NTM: variants seen among roughly 807,000 people sequenced by gnomAD.
NTM encodes IgLON family member 2.
A neutral mutation model predicts 42.1 loss-of-function variants in NTM; 13 were observed. That is an observed-to-expected ratio of 0.31 (90% CI 0.20 to 0.49). NTM has a LOEUF of 0.49. Ranked by LOEUF, NTM falls within the 20% of genes least tolerant of loss-of-function variation. The pLI is 0.99. For missense variants in NTM, 373 were observed against 452.8 expected (o/e 0.82, Z 1.60); for synonymous variants, 187 against 179.2 (o/e 1.04, Z -0.35).
At chr11:132,282,311 G>A (rs1194303754) in intron 4 of NTM, among the ~76,000 whole-genome samples, 2 of 152,170 alleles carry the variant, frequency 1.3e-5, no homozygotes, top group Non-Finnish European at 2.9e-5. Flanking sequence ...AAATTCTCTT[G>A]TCACCAGAGC....
chr11:132,256,301 C>T (rs988991175), intron 4 of NTM, among the ~76,000 whole-genome samples: 1 of 152,224 alleles, frequency 6.6e-6, no homozygotes, highest in African/African-American at 2.4e-5. Context: ...ACAGTCATGA[C>T]CATAGCATCT....
intron 1 of NTM, among the ~76,000 whole-genome samples, chr11:131,802,590 C>T (rs2092213246): frequency 1.3e-5 from 2 of 152,136 alleles, no homozygotes; most frequent in African/African-American, 2.4e-5. Flanking sequence ...GGGGTTAGGG[C>T]CGTGAGGGTG....
chr11:131,505,303 T>C (rs949125031), intron 1 of NTM, among the ~76,000 whole-genome samples: 1 of 152,148 alleles, frequency 6.6e-6, no homozygotes, highest in African/African-American at 2.4e-5. Flanking sequence ...GAATAATTAT[T>C]CTCAGTGTGT....
intron 1 of NTM, chr11:131,795,674 G>A (rs2091473116): frequency 1.0e-6 from 1 of 985,386 alleles, no homozygotes; most frequent in Non-Finnish European, 1.2e-6. Context: ...ATAAGTTCAG[G>A]GCGAACAGCA....
At chr11:131,620,006 TG>T (rs1468375705) in intron 1 of NTM, among the ~76,000 whole-genome samples, 2 of 152,204 alleles carry the variant, frequency 1.3e-5, no homozygotes. Flanking sequence ...GGTTTCACCA[TG>T]TTGGCCAGGA....
chr11:131,721,315 T>A (rs2078302408), intron 1 of NTM, among the ~76,000 whole-genome samples: 1 of 152,166 alleles, frequency 6.6e-6, no homozygotes, highest in African/African-American at 2.4e-5. Context: ...GTCAAGAAGA[T>A]ATGGGATAAA....
intron 2 of NTM, among the ~76,000 whole-genome samples, chr11:132,119,662 A>G (rs1036881539): frequency 3.3e-5 from 5 of 152,224 alleles, no homozygotes; most frequent in African/African-American, 9.6e-5. Flanking sequence ...TTCAGTCACA[A>G]TGGAAATAAG....
chr11:132,065,501 A>C (rs2056340295), intron 2 of NTM, among the ~76,000 whole-genome samples: 2 of 152,086 alleles, frequency 1.3e-5, no homozygotes, highest in Admixed American at 1.3e-4. Flanking sequence ...ATGATTGTTC[A>C]TATCTTTCTA....
intron 1 of NTM, chr11:131,794,407 C>G (rs1197110068): frequency 2.4e-6 from 2 of 850,922 alleles, no homozygotes; most frequent in Non-Finnish European, 2.8e-6. Flanking sequence ...CACCTTCCAT[C>G]TACATGCTCC....
chr11:131,772,945 C>G (rs573375032), intron 1 of NTM, among the ~76,000 whole-genome samples: 2 of 152,100 alleles, frequency 1.3e-5, no homozygotes, highest in South Asian at 2.1e-4. Flanking sequence ...TTTAGACAGA[C>G]AAAGAGAAGA....
chr11:131,558,498 C>A (rs1024865633), intron 1 of NTM, among the ~76,000 whole-genome samples: 1 of 152,166 alleles, frequency 6.6e-6, no homozygotes, highest in African/African-American at 2.4e-5. Context: ...TCAACCACCT[C>A]TGTTCTTTTT....
At chr11:132,142,185 C>T (rs2069316863) in intron 2 of NTM, among the ~76,000 whole-genome samples, 1 of 152,344 alleles carries the variant, frequency 6.6e-6, no homozygotes, top group Admixed American at 6.5e-5. Flanking sequence ...GATCGCCCAT[C>T]TCCCACCTCT....
chr11:132,266,007 G>A lies in NTM; in HGVS notation c.527-41682G>A, dbSNP rs960314805. 4.8e-4 allele frequency among the ~76,000 whole-genome samples: 73 copies of A among 152,148 alleles called. 1 individual carries two copies. Among genetic ancestry groups the A allele is most frequent in the Admixed American group, 4.8e-3 (73 of 15,282 alleles). ...TGCTACTTCCTTAACACAGGGTGCT[G>A]TTCTAGGAGGAAGAATGAGGAAAAA... On this transcript the variant is annotated intron_variant, in intron 4 of 8. Transcript: ENST00000683400.
At chr11:132,035,371 A>T (rs1456923134) in intron 2 of NTM, among the ~76,000 whole-genome samples, 1 of 152,214 alleles carries the variant, frequency 6.6e-6, no homozygotes, top group Admixed American at 6.5e-5. Context: ...ATTGAGTGTC[A>T]TGCTTCTTTG....
At chr11:132,088,478 G>A (rs2136371299) in intron 2 of NTM, among the ~76,000 whole-genome samples, 1 of 152,200 alleles carries the variant, frequency 6.6e-6, no homozygotes, top group East Asian at 1.9e-4. Context: ...AGGTGAGGAG[G>A]GCAGAATTTT....
At chr11:131,473,383 G>A (rs1286882420) in intron 1 of NTM, among the ~76,000 whole-genome samples, 1 of 152,170 alleles carries the variant, frequency 6.6e-6, no homozygotes, top group African/African-American at 2.4e-5. Flanking sequence ...CTGATGGGGA[G>A]GGAGAGCCTG....
chr11:132,163,181 A>G (rs970159858), intron 3 of NTM, among the ~76,000 whole-genome samples: 4 of 152,180 alleles, frequency 2.6e-5, no homozygotes, highest in African/African-American at 7.2e-5. Context: ...GGAACAGTGC[A>G]GCAGCAACAG....
chr11:132,310,337 T>C (rs554327719), intron 6 of NTM, 105 bp downstream of exon 6: 2 of 1,196,462 alleles, frequency 1.7e-6, no homozygotes, highest in South Asian at 3.7e-5. Context: ...TAAAATCCTC[T>C]TCTGAACTTA....
At chr11:131,629,370 C>T (rs1424403978) in intron 1 of NTM, among the ~76,000 whole-genome samples, 1 of 152,176 alleles carries the variant, frequency 6.6e-6, no homozygotes, top group Non-Finnish European at 1.5e-5. Flanking sequence ...AGAAGCTGTC[C>T]TGTACCCACC....
Sources: allele counts gnomAD v4.1 joint callset (sites outside exome capture counted in the v4.1 genomes callset), GRCh38; gene constraint gnomAD v4.1.1; transcripts MANE v1.5; gene names NCBI Gene and HGNC (gene_info 2026-07-23, HGNC 2026-07-21).